Variants in BMPER observed in about 807,000 individuals in gnomAD.
BMPER encodes BMP binding endothelial regulator, also known as BMP-binding endothelial regulator protein.
Under a neutral mutation model 87.3 loss-of-function variants are expected in BMPER, and 45 were observed. That is an observed-to-expected ratio of 0.52 (90% CI 0.41 to 0.66). The LOEUF (loss-of-function observed/expected upper bound fraction) is 0.66. Ranked by LOEUF, BMPER falls within the 30% of genes least tolerant of loss-of-function variation. The probability of loss-of-function intolerance (pLI) is 0.00; values close to 1 mark genes in which losing one functional copy is unlikely to be tolerated. For missense variants in BMPER, 784 were observed against 867.5 expected, an observed-to-expected ratio of 0.90 and a Z score of 1.21; for synonymous variants, 326 against 316.2, an observed-to-expected ratio of 1.03 and a Z score of -0.33.
intron 6 of BMPER, among the ~76,000 whole-genome samples, chr7:34,015,219 T>C (rs1786987794): frequency 6.6e-6 from 1 of 151,948 alleles, no homozygotes; most frequent in Admixed American, 6.6e-5. Flanking sequence ...GAATTCAAAT[T>C]CCATCCCTCT....
At chr7:33,942,709 A>G (rs1256253724) in intron 3 of BMPER, among the ~76,000 whole-genome samples, 3 of 152,190 alleles carry the variant, frequency 2.0e-5, no homozygotes, top group Non-Finnish European at 2.9e-5. Flanking sequence ...CTTGAGAAAA[A>G]TCAAGCATGA....
chr7:34,114,882 A>G (rs1256903972), intron 13 of BMPER, among the ~76,000 whole-genome samples: 3 of 152,248 alleles, frequency 2.0e-5, no homozygotes, highest in Non-Finnish European at 4.4e-5. Flanking sequence ...TTAAGGTTGG[A>G]GAGATGGCCC....
chr7:34,068,254 G>A (rs552491896), intron 11 of BMPER, among the ~76,000 whole-genome samples: 1 of 152,352 alleles, frequency 6.6e-6, no homozygotes, highest in Admixed American at 6.5e-5. Flanking sequence ...GATAGTTGTG[G>A]AGCCTGAATT....
Position 34,086,074 on chromosome 7 carries a change from A to G in BMPER, c.1727A>G (p.Asp576Gly). Residue 576 changes from aspartate to glycine, a missense_variant, in exon 13 of 15, where the codon GAC becomes GGC. Physicochemically the swap from Asp to Gly is moderately conservative, Grantham distance 94. Coordinates refer to ENST00000649409, the MANE Select transcript of BMPER (RefSeq NM_001365308.1). Reference sequence around the variant, plus strand: ...TTTCAGACCTGCCACTCGACTGTGGACTACGCCACTTTCTACCGGTAAGTA... The same window carrying G: ...TTTCAGACCTGCCACTCGACTGTGGGCTACGCCACTTTCTACCGGTAAGTA... Reference protein sequence around the residue: ...WEFQTCHSTVDYATFYRSCVT... With the variant: ...WEFQTCHSTVGYATFYRSCVT... 4 of 1,613,928 alleles carry G rather than the reference A, an allele frequency of 2.5e-6. No individual in the cohort carries two copies. The highest frequency in any genetic ancestry group is 3.4e-6 in the Non-Finnish European group (4 of 1,180,024).
intron 6 of BMPER, among the ~76,000 whole-genome samples, chr7:33,981,687 A>G (rs1053058759): frequency 2.0e-5 from 3 of 152,022 alleles, no homozygotes; most frequent in African/African-American, 7.2e-5. Flanking sequence ...CTCTTCCCCC[A>G]CTGCTTCTCT....
chr7:34,143,459 C>T lies in BMPER; in HGVS notation c.1876+99C>T, dbSNP rs1214545923. The T allele has an allele frequency of 8.4e-6, 13 of 1,540,862 alleles. No individual in the cohort carries two copies. In the African/African-American group the frequency reaches 1.4e-4, roughly 16 times the overall value. On this transcript the variant is annotated intron_variant, in intron 14 of 14. Transcript: ENST00000649409. ...GGATGCTGACATGAGTGGCCACATG[C>T]CCCCTTGCCAGAGGAAAATCCCTTC... is the stretch of plus-strand genomic sequence containing the variant.
rs147254974 is a variant in BMPER at position 34,065,628 on chromosome 7, T to C, written c.1078+3581T>C. On this transcript the variant is annotated intron_variant, in intron 11 of 14. Transcript: ENST00000649409. ...TGAGACTGGAAGCCTCTGAGTTTAA[T>C]TGAATATGTTTCTGTATTTTAATTC... Among the ~76,000 whole-genome samples, 437 of 152,304 alleles carry C rather than the reference T, an allele frequency of 2.9e-3. 2 individuals carry two copies. The highest frequency in any genetic ancestry group is 9.7e-3 in the African/African-American group (403 of 41,554).
At chr7:33,917,078 A>G (rs973216522) in intron 2 of BMPER, among the ~76,000 whole-genome samples, 1 of 152,228 alleles carries the variant, frequency 6.6e-6, no homozygotes, top group African/African-American at 2.4e-5. Context: ...CCTTTTATAG[A>G]AGTAGACTGT....
intron 7 of BMPER, among the ~76,000 whole-genome samples, chr7:34,046,858 C>T (rs777821965): frequency 6.6e-6 from 1 of 150,768 alleles, no homozygotes; most frequent in African/African-American, 2.4e-5. Flanking sequence ...TAATAGCCAA[C>T]AGAAAGAGAG....
intron 11 of BMPER, among the ~76,000 whole-genome samples, chr7:34,071,896 TCTCTATG>T (rs1196948597): frequency 6.6e-6 from 1 of 152,172 alleles, no homozygotes; most frequent in Non-Finnish European, 1.5e-5. Flanking sequence ...TTTGACAGGG[TCTCTATG>T]AACCTCTGCA....
At chr7:33,957,197 A>G (rs1380497690) in intron 3 of BMPER, among the ~76,000 whole-genome samples, 1 of 151,980 alleles carries the variant, frequency 6.6e-6, no homozygotes, top group Non-Finnish European at 1.5e-5. Flanking sequence ...GAAACAACCC[A>G]GATGCCCTTC....
At chr7:34,126,350 T>G (rs1790402038) in intron 13 of BMPER, among the ~76,000 whole-genome samples, 1 of 152,150 alleles carries the variant, frequency 6.6e-6, no homozygotes, top group Admixed American at 6.5e-5. Context: ...TGGGGACTTG[T>G]GGACCATGAC....
chr7:34,041,465 C>T (rs1411558133), intron 6 of BMPER, among the ~76,000 whole-genome samples: 4 of 152,110 alleles, frequency 2.6e-5, no homozygotes, highest in African/African-American at 9.7e-5. Context: ...AGACCAAAAA[C>T]AGGGAAAACC....
In BMPER at chr7:34,083,610, A is replaced by G. The variant is rs74538414; in HGVS notation, c.1409-2146A>G. Among the ~76,000 whole-genome samples, 1,188 of 152,254 alleles carry G rather than the reference A, an allele frequency of 7.8e-3. 11 individuals are homozygous for G. Among genetic ancestry groups the G allele is most frequent in the African/African-American group, 0.025 (1,058 of 41,544 alleles). On this transcript the variant is annotated intron_variant, in intron 12 of 14. Coordinates refer to ENST00000649409, the MANE Select transcript of BMPER (RefSeq NM_001365308.1). Reference sequence around the variant, plus strand: ...CTCTCTTTGAAGTAACTCTTGTGGCAGTTGTATGACCTACTCATAGGAATG... The same window carrying G: ...CTCTCTTTGAAGTAACTCTTGTGGCGGTTGTATGACCTACTCATAGGAATG...
chr7:34,007,901 A>G (rs761101302), intron 6 of BMPER, among the ~76,000 whole-genome samples: 7 of 151,982 alleles, frequency 4.6e-5, no homozygotes, highest in African/African-American at 9.7e-5. Flanking sequence ...TGAAGGCTGC[A>G]GTGATATTCA....
chr7:34,106,414 G>T (rs181585849), intron 13 of BMPER, among the ~76,000 whole-genome samples: 1 of 152,238 alleles, frequency 6.6e-6, no homozygotes, highest in Non-Finnish European at 1.5e-5. Flanking sequence ...CTACACTCTG[G>T]GTGGTTGTTC....
chr7:33,914,861 G>A (rs1046829179), intron 2 of BMPER, among the ~76,000 whole-genome samples: 2 of 152,202 alleles, frequency 1.3e-5, no homozygotes, highest in African/African-American at 2.4e-5. Flanking sequence ...AGAAGACAAA[G>A]ACTAGTGGCA....
chr7:33,969,694 C>T (rs139932087), intron 4 of BMPER, among the ~76,000 whole-genome samples: 25 of 152,320 alleles, frequency 1.6e-4, no homozygotes, highest in Middle Eastern at 3.4e-3. Flanking sequence ...CCACTGCGTC[C>T]GGCCACTTGA....
intron 7 of BMPER, among the ~76,000 whole-genome samples, chr7:34,047,795 C>CTTCA (rs1788016290): frequency 3.3e-4 from 11 of 33,448 alleles, no homozygotes; most frequent in South Asian, 1.5e-3. Context: ...TCTTTCCTTC[C>CTTCA]TTCCTTCCTT....
Sources: gnomAD v4.1 joint callset for allele counts (sites outside exome capture counted in the v4.1 genomes callset) on GRCh38, gnomAD v4.1.1 for gene constraint, MANE v1.5 for transcripts, NCBI Gene and HGNC (gene_info 2026-07-23, HGNC 2026-07-21) for gene names.